COL4A2: variants seen among roughly 807,000 people sequenced by gnomAD.
COL4A2 encodes collagen alpha-2(IV) chain.
Under a neutral mutation model 200.2 loss-of-function variants are expected in COL4A2, and 99 were observed. The ratio of observed to expected loss-of-function variants is 0.49; its 90% confidence interval spans 0.42 to 0.58. COL4A2 has a LOEUF of 0.58. Ranked by LOEUF, COL4A2 falls within the 20% of genes least tolerant of loss-of-function variation. COL4A2 has a pLI of 0.00. For missense variants in COL4A2, 1,950 were observed against 2,314.1 expected (o/e 0.84, Z 3.23); for synonymous variants, 897 against 900.6 (o/e 1.00, Z 0.07).
chr13:110,487,588 C>T (rs186025620), intron 34 of COL4A2, among the ~76,000 whole-genome samples: 1 of 152,334 alleles, frequency 6.6e-6, no homozygotes, highest in East Asian at 1.9e-4. Context: ...AATAAATGAA[C>T]GTGGTATATT....
At chr13:110,396,103 T>C (rs1299128965) in intron 4 of COL4A2, among the ~76,000 whole-genome samples, 1 of 152,194 alleles carries the variant, frequency 6.6e-6, no homozygotes, top group Non-Finnish European at 1.5e-5. Context: ...AGTTCTGGAT[T>C]TACAAAAACA....
Position 110,489,732 on chromosome 13 carries a change from A to C in COL4A2, c.3293A>C (p.Asn1098Thr), listed in dbSNP as rs757675325. Residue 1098 changes from asparagine to threonine, a missense_variant, in exon 36 of 48, where the codon AAT (asparagine) becomes ACT (threonine). Around this residue, in one of 2 missense-constraint regions of COL4A2, gnomAD observed 1,385 missense variants for 1,720.5 expected, o/e 0.80. Coordinates refer to ENST00000360467, the MANE Select transcript of COL4A2 (RefSeq NM_001846.4). ...ACAGGTGACATCGGGGACACTATAAATTTACCAGGAAGACCAGGCCTGAAG... is the reference window on the plus strand; with the variant it reads ...ACAGGTGACATCGGGGACACTATAACTTTACCAGGAAGACCAGGCCTGAAG... ...GDFGDIGDTI[N>T]LPGRPGLKGE... is the part of the protein sequence containing the mutation. 18 of 1,613,956 alleles carry C rather than the reference A, an allele frequency of 1.1e-5. No homozygotes were observed. In the South Asian group the frequency reaches 2.0e-4, roughly 18 times the overall value.
intron 4 of COL4A2, among the ~76,000 whole-genome samples, chr13:110,405,239 C>T (rs1274108478): frequency 6.6e-6 from 1 of 152,206 alleles, no homozygotes; most frequent in African/African-American, 2.4e-5. Context: ...AATCCAAATG[C>T]AGCAGATTAT....
At chr13:110,496,941 A>G (rs9555713) in intron 40 of COL4A2, among the ~76,000 whole-genome samples, 14,582 of 131,398 alleles carry the variant, frequency 0.11, 1,109 homozygotes, top group South Asian at 0.22. Context: ...GTCGGGGTGA[A>G]GATCTAGGGT....
In COL4A2 at chr13:110,473,123, G is replaced by A. The variant is rs867981304; in HGVS notation, c.2398G>A (p.Gly800Arg). The stretch of plus-strand genomic sequence containing the variant: ...ACAGCCTGGGCTTAAAGGCCTTCCC[G>A]GAGACAGAGGCCCCCCTGGATTCAG... ...PGQPGLKGLPGDRGPPGFRGS... is the reference protein window; with the variant it reads ...PGQPGLKGLPRDRGPPGFRGS... Residue 800 changes from glycine (G) to arginine (R), a missense_variant, in exon 29 of 48, where the codon GGA becomes AGA. By Grantham distance (125) the Gly-to-Arg change is moderately radical. Coordinates refer to ENST00000360467, the MANE Select transcript of COL4A2 (RefSeq NM_001846.4). The A allele has an allele frequency of 4.5e-6, 7 of 1,560,246 alleles. No homozygotes were observed. Among genetic ancestry groups the A allele is most frequent in the South Asian group, 1.2e-5 (1 of 84,584 alleles).
rs145448891 is a variant in COL4A2 at position 110,411,223 on chromosome 13, G to A, written c.181-13511G>A. Among the ~76,000 whole-genome samples the A allele has an allele frequency of 9.3e-4, 141 of 152,256 alleles. 3 individuals carry two copies. The East Asian group carries it at 0.019, about 21-fold the overall frequency. On this transcript the variant is annotated intron_variant, in intron 4 of 47. Transcript: ENST00000360467. ...ACAACTCCCCTGGAACACAAAGCTC[G>A]TCTTCTCCAAGGTCCAGCTAAACCC...
chr13:110,420,436 A>T (rs776528442), intron 4 of COL4A2, among the ~76,000 whole-genome samples: 19 of 151,768 alleles, frequency 1.3e-4, no homozygotes, highest in Non-Finnish European at 2.6e-4. Flanking sequence ...GGCAGGGGAC[A>T]TGACATTACC....
chr13:110,456,084 T>G (rs1881722104), intron 20 of COL4A2, among the ~76,000 whole-genome samples: 1 of 152,198 alleles, frequency 6.6e-6, no homozygotes, highest in African/African-American at 2.4e-5. Flanking sequence ...TCTTCTCCAG[T>G]GCGATGGCGC....
chr13:110,376,654 G>C (rs1413652536), intron 4 of COL4A2, among the ~76,000 whole-genome samples: 1 of 152,140 alleles, frequency 6.6e-6, no homozygotes, highest in African/African-American at 2.4e-5. Flanking sequence ...AAGCAGCCTG[G>C]GCCCCTTGGT....
chr13:110,393,401 A>G (rs1306589676), intron 4 of COL4A2, among the ~76,000 whole-genome samples: 1 of 152,200 alleles, frequency 6.6e-6, no homozygotes, highest in Non-Finnish European at 1.5e-5. Context: ...TAGGACTCCT[A>G]TTTTTATGAA....
rs771002365 is a variant in COL4A2 at position 110,506,505 on chromosome 13, C to T, written c.4493C>T (p.Thr1498Met). ...IGYLLVKHSQ[T>M]DQEPMCPVGM... Reference sequence around the variant, plus strand: ...TACCTCCTGGTGAAGCACAGCCAGACGGACCAGGAGCCCATGTGCCCAGTG... The same window carrying T: ...TACCTCCTGGTGAAGCACAGCCAGATGGACCAGGAGCCCATGTGCCCAGTG... The change falls in exon 46 of 48, where the codon ACG becomes ATG. Residue 1498 changes from threonine to methionine, a missense_variant. Thr to Met is a moderately conservative substitution (Grantham distance 81). This residue lies in a region of COL4A2 where 1,385 missense variants were observed against 1,720.5 expected (regional missense o/e 0.80). Transcript: ENST00000360467. 98 of 1,612,990 alleles carry T rather than the reference C, an allele frequency of 6.1e-5. No homozygotes were observed. The highest frequency in any genetic ancestry group is 1.6e-4 in the East Asian group (7 of 44,850).
chr13:110,435,131 G>A (rs1372628222), intron 12 of COL4A2, among the ~76,000 whole-genome samples: 2 of 152,142 alleles, frequency 1.3e-5, no homozygotes, highest in Non-Finnish European at 2.9e-5. Context: ...ACAGTAAGTT[G>A]AATCAAGTCC....
At chr13:110,471,648 T>G (rs1882471333) in intron 28 of COL4A2, among the ~76,000 whole-genome samples, 1 of 152,208 alleles carries the variant, frequency 6.6e-6, no homozygotes, top group African/African-American at 2.4e-5. Flanking sequence ...TCTAGCTGAT[T>G]AACGTCAGGT....
At chr13:110,472,662 G>A (rs1398927834) in intron 28 of COL4A2, among the ~76,000 whole-genome samples, 1 of 152,126 alleles carries the variant, frequency 6.6e-6, no homozygotes, top group Non-Finnish European at 1.5e-5. Context: ...CGAGGTCCAA[G>A]GAGGCGTTGT....
chr13:110,431,074 A>G (rs1282438725), intron 10 of COL4A2, among the ~76,000 whole-genome samples: 2 of 152,198 alleles, frequency 1.3e-5, no homozygotes, highest in Non-Finnish European at 2.9e-5. Context: ...GCTCATTGCA[A>G]GTAGGGAAGA....
chr13:110,425,904 A>T (rs1189374594), intron 6 of COL4A2, among the ~76,000 whole-genome samples: 1 of 152,202 alleles, frequency 6.6e-6, no homozygotes, highest in Non-Finnish European at 1.5e-5. Flanking sequence ...TCGAGGAGAC[A>T]TCCGCAGAGC....
rs143091095 is a variant in COL4A2, at chr13:110,312,062, C to A, written c.99+3939C>A. On this transcript the variant is annotated intron_variant, in intron 3 of 47. Coordinates refer to ENST00000360467, the MANE Select transcript of COL4A2 (RefSeq NM_001846.4). ...AGCTTTCTGTAAGGATCGGGAAGGA[C>A]AATTCTTTCCTGCATTTCCTGGAGC... Among the ~76,000 whole-genome samples, 3 of 152,336 alleles carry A rather than the reference C, an allele frequency of 2.0e-5. No individual in the cohort carries two copies. The East Asian group carries it at 5.8e-4, about 29-fold the overall frequency.
chr13:110,482,670 C>T lies in COL4A2; in HGVS notation c.2902+11C>T, dbSNP rs773477481. The T allele has an allele frequency of 6.2e-7, 1 of 1,612,130 alleles. No individual in the cohort carries two copies. The highest frequency in any genetic ancestry group is 1.3e-5 in the African/African-American group (1 of 74,820). On this transcript the variant is annotated intron_variant, in intron 32 of 47. Coordinates refer to ENST00000360467, the MANE Select transcript of COL4A2 (RefSeq NM_001846.4). ...AGCCAGGTTTTAAAGGTATGTCCCT[C>T]TCTTAACATCCTCCTTACCTGGTCA...
At chr13:110,503,310 C>T in intron 42 of COL4A2, 28 bp downstream of exon 42, 1 of 1,588,404 alleles carries the variant, frequency 6.3e-7, no homozygotes. Flanking sequence ...CATGGGCCAG[C>T]AGCCCTGGCC....
Sources: allele counts gnomAD v4.1 joint callset (sites outside exome capture counted in the v4.1 genomes callset), GRCh38; gene constraint gnomAD v4.1.1; regional missense constraint gnomAD v4.1.1; transcripts MANE v1.5; gene names NCBI Gene and HGNC (gene_info 2026-07-23, HGNC 2026-07-21).